Variants in VPS8 observed in about 807,000 individuals in gnomAD.
VPS8 encodes vacuolar protein sorting-associated protein 8 homolog.
Under a neutral mutation model 216.4 loss-of-function variants are expected in VPS8, and 129 were observed. That is an observed-to-expected ratio of 0.60 (90% CI 0.52 to 0.69). The LOEUF is 0.69. Among genes scored for constraint, VPS8 ranks in the 30% least tolerant of loss-of-function variants. The pLI, the probability that VPS8 is intolerant of heterozygous loss-of-function variation, is 0.00. For missense variants in VPS8, 1,531 were observed against 1,683.5 expected, an observed-to-expected ratio of 0.91 and a Z score of 1.59; for synonymous variants, 571 against 565.4, an observed-to-expected ratio of 1.01 and a Z score of -0.14.
chr3:185,017,449 G>A (rs1300242197), intron 45 of VPS8, among the ~76,000 whole-genome samples: 3 of 152,080 alleles, frequency 2.0e-5, no homozygotes, highest in South Asian at 2.1e-4. Flanking sequence ...CCTCCTGTTC[G>A]TTTAATTTCA....
rs115548803 is a variant in VPS8 at position 184,961,143 on chromosome 3, A to G, written c.3184-3325A>G. Among the ~76,000 whole-genome samples, 870 of 152,366 alleles carry G rather than the reference A, an allele frequency of 5.7e-3. 10 individuals carry two copies. The highest frequency in any genetic ancestry group is 0.02 in the African/African-American group (836 of 41,586). The stretch of plus-strand genomic sequence containing the variant: ...TGCCATAAAACTTAATAGACTAAAT[A>G]GCAGTTGAGTAAGTTTAGCACATTC... On this transcript the variant is annotated intron_variant, in intron 37 of 47. Coordinates refer to ENST00000625842, the MANE Select transcript of VPS8 (RefSeq NM_001009921.3).
intron 44 of VPS8, among the ~76,000 whole-genome samples, chr3:184,999,311 G>T (rs143661227): frequency 2.0e-5 from 3 of 152,024 alleles, no homozygotes; most frequent in African/African-American, 4.8e-5. Context: ...TGCCCACCTC[G>T]GCCTCCCAAA....
At chr3:184,987,677 A>T (rs1479730529) in intron 42 of VPS8, among the ~76,000 whole-genome samples, 1 of 152,212 alleles carries the variant, frequency 6.6e-6, no homozygotes, top group Non-Finnish European at 1.5e-5. Context: ...AATTTTCAGT[A>T]AAACAGCTAT....
chr3:185,030,215 A>G (rs1757926574), intron 46 of VPS8, among the ~76,000 whole-genome samples: 1 of 152,232 alleles, frequency 6.6e-6, no homozygotes, highest in Non-Finnish European at 1.5e-5. Flanking sequence ...GCAGCATCAG[A>G]CACCACTCAG....
intron 25 of VPS8, among the ~76,000 whole-genome samples, chr3:184,911,345 G>A (rs947978090): frequency 6.6e-6 from 1 of 152,232 alleles, no homozygotes; most frequent in Non-Finnish European, 1.5e-5. Context: ...TAGGAATATC[G>A]TGAGCTAGAT....
chr3:185,048,436 T>C, intron 46 of VPS8, 43 bp from the exon 47 acceptor site: 2 of 1,599,844 alleles, frequency 1.3e-6, no homozygotes, highest in Non-Finnish European at 1.7e-6. Context: ...AGAGGCTGCC[T>C]AGCCACGTGA....
In VPS8 at chr3:184,849,133, A is replaced by G. The variant is rs1342042264; in HGVS notation, c.604A>G (p.Ile202Val). The change falls in exon 9 of 48, where the codon ATC becomes GTC. Residue 202 changes from isoleucine to valine, a missense_variant. This residue lies in a region of VPS8 where 1,318 missense variants were observed against 1,468.4 expected (regional missense o/e 0.90). Transcript: ENST00000625842. ...STSVGGQYGA[I>V]SALSINNDCS... ...TAGTGTTGGAGGTCAGTATGGCGCTATCTCTGCCCTCAGTATCAACAATGA... is the reference window on the plus strand; with the variant it reads ...TAGTGTTGGAGGTCAGTATGGCGCTGTCTCTGCCCTCAGTATCAACAATGA... 8.7e-6 allele frequency: 14 copies of G among 1,613,682 alleles called. No homozygotes were observed. Among genetic ancestry groups the G allele is most frequent in the Non-Finnish European group, 1.1e-5 (13 of 1,179,662 alleles).
At position 184,865,019 on chromosome 3, in the gene VPS8, A is replaced by G. The variant is rs151053335; in HGVS notation, c.1396-1857A>G. Reference sequence around the variant, plus strand: ...CATCAGACTTCTAGAGATGAAAACTATAGTGCTTATAGATGAAAAAATGCG... The same window carrying G: ...CATCAGACTTCTAGAGATGAAAACTGTAGTGCTTATAGATGAAAAAATGCG... On this transcript the variant is annotated intron_variant, in intron 16 of 47. Coordinates refer to ENST00000625842, the MANE Select transcript of VPS8 (RefSeq NM_001009921.3). Among the ~76,000 whole-genome samples, 81 of 152,334 alleles carry G rather than the reference A, an allele frequency of 5.3e-4. 1 individual carries two copies. In the East Asian group the frequency reaches 0.015, roughly 29 times the overall value.
chr3:184,928,338 C>A, intron 31 of VPS8, 113 bp from the exon 32 acceptor site: 2 of 920,858 alleles, frequency 2.2e-6, no homozygotes, highest in Non-Finnish European at 3.1e-6. Context: ...AAAATATCAT[C>A]AACTAAGAAT....
In VPS8 at chr3:184,935,566, T is replaced by TC. The variant is rs566650783; in HGVS notation, c.2899-676dup. ...ATTGTGGTTGTGTTTGATCATAGTG[T>TC]CCCCACAGAGAAGGTACAATTGGAA... On this transcript the variant is annotated intron_variant, in intron 34 of 47. Transcript: ENST00000625842. Among the ~76,000 whole-genome samples the TC allele has an allele frequency of 3.9e-5, 6 of 152,190 alleles. No individual in the cohort carries two copies. In the South Asian group the frequency reaches 1.2e-3, roughly 32 times the overall value.
chr3:184,944,642 G>A, intron 36 of VPS8: 1 of 957,306 alleles, frequency 1.0e-6, no homozygotes, highest in Non-Finnish European at 1.2e-6. Flanking sequence ...TCCTGGTAAT[G>A]TTGATTTAGC....
chr3:184,839,568 ATTC>A, intron 6 of VPS8, 127 bp from the exon 7 acceptor site: 1 of 848,780 alleles, frequency 1.2e-6, no homozygotes, highest in Non-Finnish European at 1.8e-6. Context: ...CCTGGATGAA[ATTC>A]TTCTTATTTA....
At chr3:185,031,802 A>G (rs1042234099) in intron 46 of VPS8, among the ~76,000 whole-genome samples, 3 of 152,200 alleles carry the variant, frequency 2.0e-5, no homozygotes, top group African/African-American at 7.2e-5. Context: ...GCCTTTGGTC[A>G]GAGTTTGGAC....
At chr3:184,827,286 A>G (rs546114511) in intron 3 of VPS8, among the ~76,000 whole-genome samples, 1 of 152,180 alleles carries the variant, frequency 6.6e-6, no homozygotes, top group African/African-American at 2.4e-5. Flanking sequence ...TTTTATTTCT[A>G]TGTTTTACAT....
chr3:185,027,985 T>G (rs1757624442), intron 46 of VPS8, among the ~76,000 whole-genome samples: 2 of 152,240 alleles, frequency 1.3e-5, no homozygotes, highest in African/African-American at 4.8e-5. Context: ...TTTCCAATAT[T>G]CACCATGGCG....
At chr3:184,858,003 T>C (rs1173248790) in intron 14 of VPS8, among the ~76,000 whole-genome samples, 8 of 152,156 alleles carry the variant, frequency 5.3e-5, no homozygotes, top group Non-Finnish European at 8.8e-5. Flanking sequence ...TGTTAAGATA[T>C]CAGGTGAGGT....
At chr3:184,995,672 A>G (rs934238650) in intron 43 of VPS8, among the ~76,000 whole-genome samples, 9 of 152,230 alleles carry the variant, frequency 5.9e-5, no homozygotes, top group African/African-American at 2.2e-4. Context: ...AGAATGAGAT[A>G]CAGTACAAAA....
Position 185,004,589 on chromosome 3 carries a change from G to A in VPS8, c.4002+4728G>A, listed in dbSNP as rs149193866. Reference sequence around the variant, plus strand: ...CAGGAGTAAAGTGGTGTCTTATTGCGGTTTCAATTTGCATTTCTCTGATAG... The same window carrying A: ...CAGGAGTAAAGTGGTGTCTTATTGCAGTTTCAATTTGCATTTCTCTGATAG... On this transcript the variant is annotated intron_variant, in intron 45 of 47. Transcript: ENST00000625842. Among the ~76,000 whole-genome samples, 54 of 152,178 alleles carry A rather than the reference G, an allele frequency of 3.5e-4. No homozygotes were observed. The East Asian group carries it at 7.3e-3, about 21-fold the overall frequency.
At chr3:184,912,315 TG>T (rs1388826373) in intron 25 of VPS8, among the ~76,000 whole-genome samples, 1 of 152,128 alleles carries the variant, frequency 6.6e-6, no homozygotes, top group Non-Finnish European at 1.5e-5. Flanking sequence ...TGTCTTGGGA[TG>T]GGCTGAGGAA....
Sources: allele counts gnomAD v4.1 joint callset (sites outside exome capture counted in the v4.1 genomes callset), GRCh38; gene constraint gnomAD v4.1.1; regional missense constraint gnomAD v4.1.1; transcripts MANE v1.5; gene names NCBI Gene and HGNC (gene_info 2026-07-23, HGNC 2026-07-21).